The following SNTG2 variants were observed in gnomAD, a reference collection of about 807,000 sequenced individuals.
SNTG2 encodes the protein gamma-2-syntrophin.
SNTG2 carries 74 observed loss-of-function variants against 70.9 expected under a neutral mutation model. The ratio of observed to expected loss-of-function variants is 1.04; its 90% CI spans 0.86 to 1.27. The LOEUF is 1.27. SNTG2 is among the 50% of genes most tolerant of loss of function. The pLI, the probability that SNTG2 is intolerant of heterozygous loss-of-function variation, is 0.00. For synonymous variants in SNTG2, 278 were observed against 273.8 expected (o/e 1.02, Z -0.15); for missense variants, 717 against 690.7 (o/e 1.04, Z -0.43).
At chr2:953,692 C>A (rs1660053380) in intron 1 of SNTG2, among the ~76,000 whole-genome samples, 1 of 152,192 alleles carries the variant, frequency 6.6e-6, no homozygotes, top group Admixed American at 6.5e-5. Flanking sequence ...AGTTACCTGA[C>A]TTTACCAGGA....
chr2:955,610 C>G (rs59064910), intron 1 of SNTG2, among the ~76,000 whole-genome samples: 6,008 of 152,248 alleles, frequency 0.039, 391 homozygotes, highest in African/African-American at 0.14. Flanking sequence ...CTTCTGTAAA[C>G]AATGCTTATA....
intron 8 of SNTG2, among the ~76,000 whole-genome samples, chr2:1,204,669 C>T (rs1262487293): frequency 1.3e-5 from 2 of 152,178 alleles, no homozygotes. Context: ...ACATTCTCAT[C>T]ACGTTCTTTA....
intron 4 of SNTG2, among the ~76,000 whole-genome samples, chr2:1,129,150 A>T (rs1281896125): frequency 6.6e-6 from 1 of 152,224 alleles, no homozygotes; most frequent in South Asian, 2.1e-4. Flanking sequence ...GATAAGCTAA[A>T]GGATTTGCTA....
chr2:976,026 C>T (rs541468642), intron 1 of SNTG2, among the ~76,000 whole-genome samples: 1 of 152,246 alleles, frequency 6.6e-6, no homozygotes, highest in East Asian at 1.9e-4. Flanking sequence ...TAGTGCCTGC[C>T]AGTGATAGGA....
intron 16 of SNTG2, among the ~76,000 whole-genome samples, chr2:1,365,813 T>C (rs1407380331): frequency 6.6e-6 from 1 of 152,168 alleles, no homozygotes; most frequent in East Asian, 1.9e-4. Flanking sequence ...GACTTCATGC[T>C]GTCAGGGAAG....
At position 1,222,317 on chromosome 2, in the gene SNTG2, T is replaced by C. The variant is rs1401020876; in HGVS notation, c.719+13087T>C. On this transcript the variant is annotated intron_variant, in intron 9 of 16. Transcript: ENST00000308624. Reference sequence around the variant, plus strand: ...AAGTCTCCGCTTTTGGACATTAAGATCTTTTCTTCGTATCCAAGCAAGATA... The same window carrying C: ...AAGTCTCCGCTTTTGGACATTAAGACCTTTTCTTCGTATCCAAGCAAGATA... Among the ~76,000 whole-genome samples the C allele has an allele frequency of 2.6e-5, 4 of 152,276 alleles. No individual in the cohort carries two copies. The East Asian group carries it at 7.7e-4, about 29-fold the overall frequency.
chr2:1,309,046 G>T (rs996478713), intron 15 of SNTG2, among the ~76,000 whole-genome samples: 1 of 152,124 alleles, frequency 6.6e-6, no homozygotes, highest in African/African-American at 2.4e-5. Flanking sequence ...TCCTAACTAC[G>T]TAAGTGTTAA....
intron 1 of SNTG2, among the ~76,000 whole-genome samples, chr2:951,994 C>A (rs758287314): frequency 6.6e-6 from 1 of 152,200 alleles, no homozygotes; most frequent in Non-Finnish European, 1.5e-5. Flanking sequence ...TTCCTATCGT[C>A]ATAATAATGA....
chr2:1,234,888 A>G (rs28718216), intron 9 of SNTG2, among the ~76,000 whole-genome samples: 48,198 of 152,132 alleles, frequency 0.32, 9,103 homozygotes, highest in African/African-American at 0.53. Context: ...TGACTTTACG[A>G]GGATGACCAC....
At chr2:1,114,429 A>G (rs920633966) in intron 4 of SNTG2, among the ~76,000 whole-genome samples, 1 of 151,878 alleles carries the variant, frequency 6.6e-6, no homozygotes, top group African/African-American at 2.4e-5. Flanking sequence ...AGTGAGGTTT[A>G]ACCCTTACAG....
intron 9 of SNTG2, among the ~76,000 whole-genome samples, chr2:1,210,954 T>G (rs1190048658): frequency 6.6e-6 from 1 of 152,160 alleles, no homozygotes; most frequent in African/African-American, 2.4e-5. Flanking sequence ...GTAAACACAA[T>G]GACAAAATCA....
At chr2:1,172,849 TG>T (rs1286351361) in intron 7 of SNTG2, among the ~76,000 whole-genome samples, 8 of 152,146 alleles carry the variant, frequency 5.3e-5, no homozygotes, top group African/African-American at 1.9e-4. Context: ...CCCTCCACCC[TG>T]GGGAGCCCTC....
At chr2:1,223,925 C>T (rs564127119) in intron 9 of SNTG2, among the ~76,000 whole-genome samples, 6 of 150,612 alleles carry the variant, frequency 4.0e-5, no homozygotes, top group East Asian at 2.0e-4. Context: ...CTCTGGAGGC[C>T]GTAGCCCAAT....
At chr2:1,173,219 C>G in intron 8 of SNTG2, 36 bp downstream of exon 8, 1 of 1,541,444 alleles carries the variant, frequency 6.5e-7, no homozygotes, top group Admixed American at 1.7e-5. Flanking sequence ...TTTATTTTAA[C>G]AGAAATATCA....
intron 9 of SNTG2, among the ~76,000 whole-genome samples, chr2:1,224,911 G>A (rs1345954496): frequency 1.3e-5 from 2 of 152,184 alleles, no homozygotes; most frequent in Non-Finnish European, 2.9e-5. Context: ...CCCTCCAGCA[G>A]GTGCAGTTGT....
chr2:1,259,267 T>A, intron 12 of SNTG2, 103 bp from the exon 13 acceptor site: 1 of 953,106 alleles, frequency 1.0e-6, no homozygotes, highest in South Asian at 1.5e-5. Flanking sequence ...GCTTAGGATT[T>A]AATTGAGGTG....
intron 9 of SNTG2, among the ~76,000 whole-genome samples, chr2:1,233,566 A>G (rs1676403744): frequency 6.6e-6 from 1 of 152,230 alleles, no homozygotes; most frequent in African/African-American, 2.4e-5. Context: ...CTGAGCCCAC[A>G]GTCAAGAGCG....
chr2:1,117,461 C>T (rs1444379798), intron 4 of SNTG2, among the ~76,000 whole-genome samples: 1 of 152,132 alleles, frequency 6.6e-6, no homozygotes, highest in Admixed American at 6.5e-5. Flanking sequence ...TTCAGCAAAA[C>T]AGATGAAATC....
At chr2:997,371 G>T (rs1206140148) in intron 1 of SNTG2, among the ~76,000 whole-genome samples, 4 of 152,194 alleles carry the variant, frequency 2.6e-5, no homozygotes, top group African/African-American at 9.7e-5. Context: ...TTTCCAGACT[G>T]TTGACAGTGA....
Sources: allele counts gnomAD v4.1 joint callset (sites outside exome capture counted in the v4.1 genomes callset), GRCh38; gene constraint gnomAD v4.1.1; transcripts MANE v1.5; gene names NCBI Gene and HGNC (gene_info 2026-07-23, HGNC 2026-07-21).